NR2E1: variants seen among roughly 807,000 people sequenced by gnomAD.
NR2E1 encodes the protein nuclear receptor subfamily 2 group E member 1, also known as nuclear receptor TLX.
NR2E1 carries 5 observed loss-of-function variants against 43.6 expected under a neutral mutation model. That is an observed-to-expected ratio of 0.11 (90% CI 0.06 to 0.24). The LOEUF (loss-of-function observed/expected upper bound fraction) is 0.24, where lower values mean the gene tolerates loss of function less well. NR2E1 is among the 10% of genes least tolerant of loss of function. NR2E1 has a pLI of 1.00. For synonymous variants in NR2E1, 191 were observed against 195.5 expected, an observed-to-expected ratio of 0.98 and a Z score of 0.19; for missense variants, 287 against 496.7, an observed-to-expected ratio of 0.58 and a Z score of 4.01.
intron 1 of NR2E1, chr6:108,168,297 T>TTTTTTTC: frequency 1.2e-6 from 1 of 861,626 alleles, no homozygotes; most frequent in South Asian, 1.9e-5. Context: ...GCAGGCCTCC[T>TTTTTTTC]AGCTCGCTCG....
rs962691883 is a variant in NR2E1 at position 108,169,872 on chromosome 6, G to T, written c.26-1586G>T. Among the ~76,000 whole-genome samples the T allele has an allele frequency of 6.6e-6, 1 of 152,026 alleles. No homozygotes were observed. The highest frequency in any genetic ancestry group is 1.5e-5 in the Non-Finnish European group (1 of 67,986). On this transcript the variant is annotated intron_variant, in intron 1 of 8. Transcript: ENST00000368986. This position sits in a 1 kb window ranked among gnomAD's most constrained non-coding sequence, Gnocchi z 6.1. ...GAATTCCCATGCTACTCTTTTTGAC[G>T]GGTCACTGGTGGCTCTATAGGCAGG...
chr6:108,182,616 C>T (rs7765869), intron 8 of NR2E1, among the ~76,000 whole-genome samples: 105,497 of 148,214 alleles, frequency 0.71, 38,842 homozygotes, highest in African/African-American at 0.92. Flanking sequence ...TGGAGTGTAG[C>T]GGTGCAATCT....
chr6:108,171,702 G>A, intron 2 of NR2E1, 99 bp downstream of exon 2: 3 of 1,498,656 alleles, frequency 2.0e-6, no homozygotes, highest in Non-Finnish European at 1.8e-6. Context: ...CAGTTGAGGA[G>A]AGACCCGGCC....
intron 8 of NR2E1, among the ~76,000 whole-genome samples, chr6:108,185,475 A>T (rs1370157837): frequency 6.6e-6 from 1 of 151,920 alleles, no homozygotes; most frequent in African/African-American, 2.4e-5. Flanking sequence ...CAGTGGTGCA[A>T]TCATGGCTCA....
chr6:108,175,003 T>C (rs1773872906), intron 3 of NR2E1, 80 bp downstream of exon 3: 3 of 1,305,628 alleles, frequency 2.3e-6, no homozygotes, highest in Non-Finnish European at 3.3e-6. Context: ...GGCACTCCTA[T>C]GCATGTAAAT....
At position 108,187,540 on chromosome 6, in the gene NR2E1, C is replaced by T; in HGVS notation, c.*77C>T. On this transcript the variant is annotated 3_prime_UTR_variant, in exon 9 of 9. Coordinates refer to ENST00000368986, the MANE Select transcript of NR2E1 (RefSeq NM_003269.5). ...CCCATGGAGAACAAGCCTCAACTAA[C>T]AAACCCTTCAGGAAGCATATACCGG... 2 of 1,492,194 alleles carry T rather than the reference C, an allele frequency of 1.3e-6. No individual in the cohort carries two copies. The highest frequency in any genetic ancestry group is 1.9e-6 in the Non-Finnish European group (2 of 1,073,204). The allele number at this position is 1,492,194 out of a possible 1,614,324, so 92.4% of individuals were successfully genotyped here. A position where few individuals can be genotyped will look rare whatever the true frequency, so the allele number is the denominator to read the frequency against.
At chr6:108,170,947 T>C (rs1030572120) in intron 1 of NR2E1, among the ~76,000 whole-genome samples, 1 of 152,246 alleles carries the variant, frequency 6.6e-6, no homozygotes, top group Non-Finnish European at 1.5e-5. Context: ...ATAATCCTAA[T>C]AATAACACCG....
In NR2E1 at chr6:108,166,551, C is replaced by A; in HGVS notation, c.-215C>A. On this transcript the variant is annotated 5_prime_UTR_variant, in exon 1 of 9. Transcript: ENST00000368986. This position sits in a 1 kb window ranked among gnomAD's most constrained non-coding sequence, Gnocchi z 7.2. The stretch of plus-strand genomic sequence containing the variant: ...CCAGCAGCTGCGGTTTTGCAAGAGC[C>A]GGGAAGAAACTTAAGGATGCTTAAA... 2.0e-6 allele frequency: 1 copy of A among 506,094 alleles called. No individual in the cohort carries two copies. The highest frequency in any genetic ancestry group is 3.4e-6 in the Non-Finnish European group (1 of 291,912). 31.4% of individuals were successfully genotyped at this position (506,094 alleles called of 1,614,324 possible).
At chr6:108,171,854 A>G (rs1393785313) in intron 2 of NR2E1, among the ~76,000 whole-genome samples, 1 of 152,106 alleles carries the variant, frequency 6.6e-6, no homozygotes, top group Non-Finnish European at 1.5e-5. Context: ...ACTTTTTTAA[A>G]TTATTATTAT....
chr6:108,171,333 GTGC>G, intron 1 of NR2E1, 122 bp from the exon 2 acceptor site: 1 of 1,078,032 alleles, frequency 9.3e-7, no homozygotes. Flanking sequence ...CGCAGCTTCG[GTGC>G]TAATCCCTTC....
At chr6:108,187,218 A>T in intron 8 of NR2E1, 83 bp from the exon 9 acceptor site, 2 of 1,453,922 alleles carry the variant, frequency 1.4e-6, no homozygotes, top group Non-Finnish European at 9.7e-7. Flanking sequence ...GCAATGCTGG[A>T]GATGATGTGT....
chr6:108,172,167 AT>A (rs940382402), intron 2 of NR2E1, among the ~76,000 whole-genome samples: 1 of 152,176 alleles, frequency 6.6e-6, no homozygotes, highest in Non-Finnish European at 1.5e-5. Flanking sequence ...AGGGTTGTGC[AT>A]TTTCAACTCT....
In NR2E1 at chr6:108,180,299, T is replaced by C. The variant is rs1773963744; in HGVS notation, c.643-24T>C. ...AATTTATAAATTACACACTATATTATATTATACATCTATTGTATGACAGCT... is the reference window on the plus strand; with the variant it reads ...AATTTATAAATTACACACTATATTACATTATACATCTATTGTATGACAGCT... On this transcript the variant is annotated intron_variant, in intron 5 of 8. Coordinates refer to ENST00000368986, the MANE Select transcript of NR2E1 (RefSeq NM_003269.5). The surrounding 1 kb of genome is among the most constrained non-coding windows in gnomAD (Gnocchi z 5.4). 7.4e-7 allele frequency: 1 copy of C among 1,348,166 alleles called. No homozygotes were observed. The highest frequency in any genetic ancestry group is 2.3e-5 in the East Asian group (1 of 43,504). The allele number at this position is 1,348,166 out of a possible 1,614,324, so 83.5% of individuals were successfully genotyped here. A position where few individuals can be genotyped will look rare whatever the true frequency, so the allele number is the denominator to read the frequency against.
At chr6:108,184,270 C>T (rs1774040134) in intron 8 of NR2E1, among the ~76,000 whole-genome samples, 1 of 152,124 alleles carries the variant, frequency 6.6e-6, no homozygotes, top group South Asian at 2.1e-4. Context: ...TGACCTTTGA[C>T]ATTTAGAGCC....
At chr6:108,179,934 TGAGG>T (rs1773958717) in intron 5 of NR2E1, among the ~76,000 whole-genome samples, 1 of 152,108 alleles carries the variant, frequency 6.6e-6, no homozygotes, top group Admixed American at 6.6e-5. Context: ...TGCAAGCGTC[TGAGG>T]AATCCTCAAC....
Position 108,177,992 on chromosome 6 carries a change from T to C in NR2E1, c.496-103T>C, listed in dbSNP as rs1365915366. 9 of 1,301,600 alleles carry C rather than the reference T, an allele frequency of 6.9e-6. No individual in the cohort carries two copies. The Admixed American group carries it at 1.4e-4, about 20-fold the overall frequency. The allele number at this position is 1,301,600 out of a possible 1,614,324, so 80.6% of individuals were successfully genotyped here. ...TGTTTAAACAAAACATCCAAATTCT[T>C]TTTTATCCCCTTCCTTGCTTTAATT... On this transcript the variant is annotated intron_variant, in intron 4 of 8. Coordinates refer to ENST00000368986, the MANE Select transcript of NR2E1 (RefSeq NM_003269.5).
chr6:108,178,112 T>C lies in NR2E1; in HGVS notation c.513T>C (p.Asn171=). 2 of 1,614,202 alleles carry C rather than the reference T, an allele frequency of 1.2e-6. No homozygotes were observed. The highest frequency in any genetic ancestry group is 1.7e-6 in the Non-Finnish European group (2 of 1,180,026). The change falls in exon 5 of 9, where the codon AAT becomes AAC. Residue 171 remains asparagine (N), a synonymous_variant. Transcript: ENST00000368986. ...QPTPKYPHEV[N]GTPMYLYEVA... is the part of the protein sequence containing the mutation. ...CTACCCAGTACCCCCATGAAGTGAA[T>C]GGGACCCCAATGTATCTCTATGAAG...
chr6:108,168,208 G>C (rs1198578453), intron 1 of NR2E1: 1 of 1,539,794 alleles, frequency 6.5e-7, no homozygotes, highest in African/African-American at 1.4e-5. Flanking sequence ...GGGCGTGAGT[G>C]TCCTTCCCAG....
chr6:108,179,779 C>G (rs1463968444), intron 5 of NR2E1, among the ~76,000 whole-genome samples: 5 of 151,914 alleles, frequency 3.3e-5, no homozygotes, highest in Non-Finnish European at 7.4e-5. Context: ...TCAGAAAAAT[C>G]AAGCAGTGAG....
Sources: allele counts gnomAD v4.1 joint callset (sites outside exome capture counted in the v4.1 genomes callset), GRCh38; gene constraint gnomAD v4.1.1; non-coding constraint Gnocchi (gnomAD v3.1); transcripts MANE v1.5; gene names NCBI Gene and HGNC (gene_info 2026-07-23, HGNC 2026-07-21).